The following BIRC6 variants were observed in gnomAD, a reference collection of about 807,000 sequenced individuals.
The protein encoded by BIRC6 is baculoviral IAP repeat containing 6.
Under a neutral mutation model 503.3 loss-of-function variants are expected in BIRC6, and 98 were observed. The observed-to-expected ratio is 0.19, with a 90% CI of 0.17 to 0.23. The LOEUF is 0.23. BIRC6 is among the 10% of genes least tolerant of loss of function. BIRC6 has a pLI of 1.00. For synonymous variants in BIRC6, 2,240 were observed against 2,078.7 expected (o/e 1.08, Z -2.11); for missense variants, 5,360 against 5,806.0 (o/e 0.92, Z 2.50).
At chr2:32,461,183 T>TCCC (rs1231921977) in intron 23 of BIRC6, among the ~76,000 whole-genome samples, 1 of 38,992 alleles carries the variant, frequency 2.6e-5, no homozygotes, top group South Asian at 1.5e-3. Context: ...TCCCCTCCCC[T>TCCC]CTCCCCTCCC....
intron 1 of BIRC6, among the ~76,000 whole-genome samples, chr2:32,360,546 C>A (rs2033905202): frequency 6.6e-6 from 1 of 152,108 alleles, no homozygotes; most frequent in African/African-American, 2.4e-5. Context: ...TTCCTAACTA[C>A]AGTAGTTTTG....
chr2:32,454,625 C>A (rs754676903), intron 23 of BIRC6, among the ~76,000 whole-genome samples: 6 of 152,086 alleles, frequency 3.9e-5, no homozygotes, highest in African/African-American at 1.4e-4. Context: ...GTTGTCTTAA[C>A]GTGATTCTTC....
At chr2:32,466,222 G>A (rs1450232603) in intron 26 of BIRC6, among the ~76,000 whole-genome samples, 1 of 151,910 alleles carries the variant, frequency 6.6e-6, no homozygotes, top group Non-Finnish European at 1.5e-5. Flanking sequence ...AAATGTAGCT[G>A]GTAAGATTAC....
chr2:32,549,132 T>A lies in BIRC6; in HGVS notation c.12976-181T>A, dbSNP rs2058264057. ...GTACCATCCTTTGTAAGCAACACTCTCAGACAAAACAGATCCTTCTCTTTT... is the reference window on the plus strand; with the variant it reads ...GTACCATCCTTTGTAAGCAACACTCACAGACAAAACAGATCCTTCTCTTTT... On this transcript the variant is annotated intron_variant, in intron 64 of 73. Coordinates refer to ENST00000421745, the MANE Select transcript of BIRC6 (RefSeq NM_016252.4). The A allele has an allele frequency of 9.4e-6, 4 of 427,128 alleles. No homozygotes were observed. The Admixed American group carries it at 1.7e-4, about 18-fold the overall frequency. 26.5% of individuals were successfully genotyped at this position (427,128 alleles called of 1,614,324 possible).
At chr2:32,383,342 T>C (rs2037967336) in intron 3 of BIRC6, among the ~76,000 whole-genome samples, 1 of 152,166 alleles carries the variant, frequency 6.6e-6, no homozygotes, top group South Asian at 2.1e-4. Flanking sequence ...GTCCTCAGTT[T>C]ATAATGGTCA....
intron 2 of BIRC6, 133 bp downstream of exon 2, chr2:32,377,902 C>G (rs1573769661): frequency 2.7e-6 from 2 of 733,172 alleles, no homozygotes; most frequent in East Asian, 6.1e-5. Flanking sequence ...ACTTATTGAC[C>G]ACAACTTCAT....
rs115645570 is a variant in BIRC6 at position 32,610,393 on chromosome 2, C to T, written c.14260-1055C>T. Among the ~76,000 whole-genome samples the T allele has an allele frequency of 7.8e-4, 119 of 152,192 alleles. 3 individuals carry two copies. The highest frequency in any genetic ancestry group is 1.0e-3 in the South Asian group (5 of 4,828). On this transcript the variant is annotated intron_variant, in intron 72 of 73. Coordinates refer to ENST00000421745, the MANE Select transcript of BIRC6 (RefSeq NM_016252.4). Reference sequence around the variant, plus strand: ...GAATTGAAAGATAGAATTTAAAAATCGCAAATGTAAATCACAGTAATAATA... The same window carrying T: ...GAATTGAAAGATAGAATTTAAAAATTGCAAATGTAAATCACAGTAATAATA...
At chr2:32,469,354 C>A in intron 29 of BIRC6, 41 bp from the exon 30 acceptor site, 2 of 1,451,780 alleles carry the variant, frequency 1.4e-6, no homozygotes, top group African/African-American at 1.4e-5. Flanking sequence ...TTATACAATA[C>A]ATTTAAATAG....
At chr2:32,507,172 G>A (rs1191995922) in intron 50 of BIRC6, among the ~76,000 whole-genome samples, 2 of 152,164 alleles carry the variant, frequency 1.3e-5, no homozygotes, top group African/African-American at 4.8e-5. Context: ...GGTCACACCT[G>A]TAATCCCAGC....
chr2:32,574,507 G>C (rs1444297274), intron 65 of BIRC6: 3 of 152,298 alleles, frequency 2.0e-5, no homozygotes, highest in African/African-American at 4.8e-5. Context: ...AACACATTTT[G>C]GATGTTGTAT....
chr2:32,362,058 C>T (rs1448515149), intron 1 of BIRC6, among the ~76,000 whole-genome samples: 2 of 152,116 alleles, frequency 1.3e-5, no homozygotes, highest in East Asian at 1.9e-4. Flanking sequence ...CTAAGGAGCT[C>T]AATTGCTGGG....
At chr2:32,517,222 T>C (rs1266745211) in intron 55 of BIRC6, among the ~76,000 whole-genome samples, 1 of 152,042 alleles carries the variant, frequency 6.6e-6, no homozygotes, top group Non-Finnish European at 1.5e-5. Flanking sequence ...GTGCCTTTGG[T>C]CTCAGCTACT....
At chr2:32,606,138 A>G (rs1573338370) in intron 71 of BIRC6, among the ~76,000 whole-genome samples, 2 of 152,334 alleles carry the variant, frequency 1.3e-5, no homozygotes, top group Admixed American at 1.3e-4. Flanking sequence ...TCCTGCCTTC[A>G]AAGATGTTAC....
At chr2:32,550,369 C>G (rs1257436515) in intron 65 of BIRC6, among the ~76,000 whole-genome samples, 2 of 152,108 alleles carry the variant, frequency 1.3e-5, no homozygotes, top group South Asian at 2.1e-4. Flanking sequence ...TCCCCAGTAT[C>G]AGGAAGATTG....
rs2048352471 is a variant in BIRC6 at position 32,464,831 on chromosome 2, A to G, written c.5256+8A>G. 1 of 1,593,542 alleles carries G rather than the reference A, an allele frequency of 6.3e-7. No individual in the cohort carries two copies. Among genetic ancestry groups the G allele is most frequent in the Non-Finnish European group, 8.6e-7 (1 of 1,168,692 alleles). Reference sequence around the variant, plus strand: ...TCCAACAAGTCCAGAATGGTAAATTATGTTTTAAATAGGTGTTGGCTTAGA... The same window carrying G: ...TCCAACAAGTCCAGAATGGTAAATTGTGTTTTAAATAGGTGTTGGCTTAGA... On this transcript the variant is annotated splice_region_variant and intron_variant, in intron 25 of 73. Coordinates refer to ENST00000421745, the MANE Select transcript of BIRC6 (RefSeq NM_016252.4).
rs977843922 is a variant in BIRC6, at chr2:32,372,072, T to C, written c.326-5516T>C. Among the ~76,000 whole-genome samples the C allele has an allele frequency of 9.2e-5, 14 of 152,354 alleles. 1 individual carries two copies. The highest frequency in any genetic ancestry group is 6.8e-3 in the Middle Eastern group (2 of 294). On this transcript the variant is annotated intron_variant, in intron 1 of 73. Coordinates refer to ENST00000421745, the MANE Select transcript of BIRC6 (RefSeq NM_016252.4). ...CGCCCGCCTCGGCCTCTTGAAGTGCTGGGATTACAGGTGTGAAGGCATTGC... is the reference window on the plus strand; with the variant it reads ...CGCCCGCCTCGGCCTCTTGAAGTGCCGGGATTACAGGTGTGAAGGCATTGC...
At chr2:32,440,160 G>A (rs555340175) in intron 16 of BIRC6, among the ~76,000 whole-genome samples, 45 of 152,352 alleles carry the variant, frequency 3.0e-4, no homozygotes, top group African/African-American at 1.1e-3. Flanking sequence ...TTACAGGCGT[G>A]AGCCACTGCA....
At chr2:32,485,815 T>C in intron 40 of BIRC6, 56 bp downstream of exon 40, 1 of 1,169,372 alleles carries the variant, frequency 8.6e-7, no homozygotes, top group Non-Finnish European at 1.3e-6. Flanking sequence ...CTCTTCATCA[T>C]TTTCAGGTGG....
At chr2:32,372,149 A>G (rs529377548) in intron 1 of BIRC6, among the ~76,000 whole-genome samples, 1 of 152,122 alleles carries the variant, frequency 6.6e-6, no homozygotes, top group African/African-American at 2.4e-5. Context: ...TTTATTTTTT[A>G]TAGAATATAA....
Sources: allele counts gnomAD v4.1 joint callset (sites outside exome capture counted in the v4.1 genomes callset), GRCh38; gene constraint gnomAD v4.1.1; transcripts MANE v1.5; gene names NCBI Gene and HGNC (gene_info 2026-07-23, HGNC 2026-07-21).